ANKRD36C: variants seen among roughly 807,000 people sequenced by gnomAD.
The protein encoded by ANKRD36C is ankyrin repeat domain-containing protein 36C.
A neutral mutation model predicts 276.4 loss-of-function variants in ANKRD36C; 61 were observed. That is an observed-to-expected ratio of 0.22 (90% CI 0.18 to 0.27). The LOEUF (loss-of-function observed/expected upper bound fraction) is 0.27, where lower values mean the gene tolerates loss of function less well. Among genes scored for constraint, ANKRD36C ranks in the 10% least tolerant of loss-of-function variants. The pLI, the probability that ANKRD36C is intolerant of heterozygous loss-of-function variation, is 1.00. For missense variants in ANKRD36C, 1,447 were observed against 2,032.3 expected, an observed-to-expected ratio of 0.71 and a Z score of 5.54; for synonymous variants, 483 against 680.1, an observed-to-expected ratio of 0.71 and a Z score of 4.51.
intron 30 of ANKRD36C, among the ~76,000 whole-genome samples, chr2:95,925,093 G>A (rs1280420272): frequency 1.3e-5 from 2 of 151,474 alleles, no homozygotes; most frequent in Admixed American, 6.6e-5. Context: ...GCTGTCCTCC[G>A]ATCCTCTTAT....
intron 6 of ANKRD36C, among the ~76,000 whole-genome samples, chr2:95,964,206 G>A (rs1678540012): frequency 6.7e-6 from 1 of 148,936 alleles, no homozygotes; most frequent in Non-Finnish European, 1.5e-5. Flanking sequence ...ACTTTTTCTA[G>A]ATTAAGCTGC....
intron 64 of ANKRD36C, 48 bp from the exon 85 acceptor site, chr2:95,852,244 T>C: frequency 7.7e-7 from 1 of 1,303,632 alleles, no homozygotes; most frequent in South Asian, 1.2e-5. Flanking sequence ...GACCTAAATG[T>C]CCATCAGTAG....
exon 59 of ANKRD36C, chr2:95,876,471 T>A: frequency 6.2e-7 from 1 of 1,606,058 alleles, no homozygotes; most frequent in Non-Finnish European, 8.5e-7. Context: ...TCTTCAAGCC[T>A]CTTTTGCTCT....
intron 22 of ANKRD36C, among the ~76,000 whole-genome samples, chr2:95,937,986 CA>C (rs1677764862): frequency 6.6e-6 from 1 of 151,160 alleles, no homozygotes; most frequent in South Asian, 2.1e-4. Flanking sequence ...AGTCATAAAA[CA>C]AAACAAAGAT....
At chr2:95,858,859 G>T (rs531048895) in intron 61 of ANKRD36C, among the ~76,000 whole-genome samples, 1 of 152,152 alleles carries the variant, frequency 6.6e-6, no homozygotes, top group East Asian at 1.9e-4. Context: ...TGTAAAATCT[G>T]TTTTGGAACA....
chr2:95,924,364 C>A (rs1460822287), intron 30 of ANKRD36C, among the ~76,000 whole-genome samples: 4 of 151,476 alleles, frequency 2.6e-5, no homozygotes, highest in African/African-American at 4.8e-5. Context: ...AATATATAAA[C>A]CTCATCAAAA....
chr2:95,988,944 G>GA (rs1450948893), intron 1 of ANKRD36C, among the ~76,000 whole-genome samples: 1 of 152,132 alleles, frequency 6.6e-6, no homozygotes, highest in Non-Finnish European at 1.5e-5. Context: ...GAGGCGGGGG[G>GA]ATCACCTGAG....
chr2:95,916,106 GTT>G (rs1558638530), intron 37 of ANKRD36C, 35 bp downstream of exon 39: 21 of 1,604,762 alleles, frequency 1.3e-5, no homozygotes, highest in Non-Finnish European at 1.8e-5. Context: ...TAGGCTATAC[GTT>G]TACTAGCTCA....
chr2:95,855,892 C>T lies in ANKRD36C; in HGVS notation c.4369G>A (p.Gly1457Arg), dbSNP rs78178577. ...TGCATTTCTGTTTCCAGTCTTTGCCCGCTCTCTCTTTGCTTCTCCAGTTTA... is the reference window on the plus strand; with the variant it reads ...TGCATTTCTGTTTCCAGTCTTTGCCTGCTCTCTCTTTGCTTCTCCAGTTTA... The change falls in exon 63 of 67, where the codon GGG (glycine) becomes AGG (arginine). Residue 1457 changes from glycine to arginine, a missense_variant. Gly to Arg is a moderately radical substitution (Grantham distance 125). Transcript: ENST00000456556. 3.9e-4 allele frequency: 637 copies of T among 1,613,702 alleles called. 2 individuals carry two copies. In the East Asian group the frequency reaches 4.1e-3, roughly 10 times the overall value.
chr2:95,859,351 A>T (rs1164085579), intron 61 of ANKRD36C, among the ~76,000 whole-genome samples: 2 of 152,174 alleles, frequency 1.3e-5, no homozygotes, highest in Admixed American at 1.3e-4. Flanking sequence ...TAAAATAATT[A>T]TTCTGGGTAA....
intron 38 of ANKRD36C, among the ~76,000 whole-genome samples, chr2:95,915,156 C>T (rs1237170156): frequency 6.6e-6 from 1 of 151,402 alleles, no homozygotes; most frequent in African/African-American, 2.4e-5. Context: ...TCTAAAATAG[C>T]CTTGTTAGGA....
intron 32 of ANKRD36C, among the ~76,000 whole-genome samples, chr2:95,923,127 G>A (rs1380503258): frequency 6.6e-6 from 1 of 151,258 alleles, no homozygotes; most frequent in African/African-American, 2.4e-5. Flanking sequence ...TTTTCCATCT[G>A]TTTTTAGCAA....
chr2:95,875,240 T>C (rs1017609268), intron 59 of ANKRD36C, among the ~76,000 whole-genome samples: 5 of 152,008 alleles, frequency 3.3e-5, no homozygotes, highest in Admixed American at 2.0e-4. Context: ...CGTATGTTTA[T>C]TGCGGCACTA....
At chr2:95,902,219 G>A (rs1411508913) in intron 42 of ANKRD36C, among the ~76,000 whole-genome samples, 1 of 149,344 alleles carries the variant, frequency 6.7e-6, no homozygotes, top group African/African-American at 2.5e-5. Context: ...ATGCCTCCTA[G>A]TAACCAAGAG....
chr2:95,986,619 T>C (rs993055660), intron 3 of ANKRD36C, 132 bp downstream of exon 3: 2 of 1,170,860 alleles, frequency 1.7e-6, no homozygotes, highest in Non-Finnish European at 2.3e-6. Flanking sequence ...TCTTAGACAG[T>C]TAAGGCATTT....
At chr2:95,915,123 T>C (rs528701921) in intron 38 of ANKRD36C, among the ~76,000 whole-genome samples, 1 of 151,702 alleles carries the variant, frequency 6.6e-6, no homozygotes, top group East Asian at 2.0e-4. Flanking sequence ...AGGACTTAAT[T>C]AGAATGCAAC....
intron 58 of ANKRD36C, among the ~76,000 whole-genome samples, 166 bp downstream of exon 78, chr2:95,880,261 G>A (rs970717638): frequency 3.3e-5 from 5 of 152,198 alleles, no homozygotes; most frequent in African/African-American, 7.2e-5. Context: ...CCTTATGCAT[G>A]TAAATCTCAT....
chr2:95,925,627 A>G, intron 28 of ANKRD36C, 80 bp from the exon 29 acceptor site: 1 of 1,394,282 alleles, frequency 7.2e-7, no homozygotes, highest in Non-Finnish European at 9.7e-7. Flanking sequence ...TGTTAGCATC[A>G]AGCTGTATCC....
intron 1 of ANKRD36C, 135 bp from the exon 2 acceptor site, chr2:95,987,341 G>C (rs1679049574): frequency 1.5e-6 from 2 of 1,377,732 alleles, no homozygotes; most frequent in East Asian, 5.0e-5. Context: ...CCACATTAAT[G>C]AAAGAGCAGG....
Sources: gnomAD v4.1 joint callset for allele counts (sites outside exome capture counted in the v4.1 genomes callset) on GRCh38, gnomAD v4.1.1 for gene constraint, MANE v1.5 for transcripts, NCBI Gene and HGNC (gene_info 2026-07-23, HGNC 2026-07-21) for gene names.